The following PRTFDC1 variants were observed in gnomAD, a reference collection of about 807,000 sequenced individuals.
The protein encoded by PRTFDC1 is phosphoribosyltransferase domain-containing protein 1.
In PRTFDC1, 38 loss-of-function variants were observed where a neutral mutation model predicts 34.6. That is an observed-to-expected ratio of 1.10 (90% CI 0.85 to 1.44). PRTFDC1 has a LOEUF of 1.44. Among genes scored for constraint, PRTFDC1 ranks in the 40% most tolerant of loss-of-function variants. The probability of loss-of-function intolerance (pLI) is 0.00; values close to 1 mark genes in which losing one functional copy is unlikely to be tolerated. For missense variants in PRTFDC1, 270 were observed against 283.0 expected (o/e 0.95, Z 0.33); for synonymous variants, 93 against 98.1 (o/e 0.95, Z 0.31).
At chr10:24,860,160 A>G (rs1300650639) in intron 4 of PRTFDC1, among the ~76,000 whole-genome samples, 1 of 152,150 alleles carries the variant, frequency 6.6e-6, no homozygotes, top group African/African-American at 2.4e-5. Flanking sequence ...TGGGTGGATC[A>G]CCTGAGGTCA....
chr10:24,890,537 A>G (rs915796967), intron 3 of PRTFDC1, among the ~76,000 whole-genome samples: 2 of 152,172 alleles, frequency 1.3e-5, no homozygotes, highest in African/African-American at 4.8e-5. Flanking sequence ...GTCCCCATCA[A>G]ATATTTCTGG....
intron 4 of PRTFDC1, among the ~76,000 whole-genome samples, chr10:24,870,643 T>C (rs1019596787): frequency 6.6e-6 from 1 of 152,224 alleles, no homozygotes; most frequent in African/African-American, 2.4e-5. Flanking sequence ...GATGTTGTTT[T>C]ATGCACCAAT....
chr10:24,895,056 C>T (rs190140414), intron 3 of PRTFDC1, among the ~76,000 whole-genome samples: 1 of 152,206 alleles, frequency 6.6e-6, no homozygotes, highest in African/African-American at 2.4e-5. Context: ...CTACGTCGTA[C>T]CAGTCAATGT....
Position 24,952,438 on chromosome 10 carries a change from C to G in PRTFDC1, c.48+90G>C, listed in dbSNP as rs561548044. The G allele has an allele frequency of 1.3e-4, 190 of 1,439,748 alleles. No homozygotes were observed. Among genetic ancestry groups the G allele is most frequent in the Non-Finnish European group, 1.6e-4 (170 of 1,048,972 alleles). The allele number at this position is 1,439,748 out of a possible 1,614,324, so 89.2% of individuals were successfully genotyped here. A position where few individuals can be genotyped will look rare whatever the true frequency, so the allele number is the denominator to read the frequency against. On this transcript the variant is annotated intron_variant, in intron 1 of 8. Coordinates refer to ENST00000320152, the MANE Select transcript of PRTFDC1 (RefSeq NM_020200.7). This position sits in a 1 kb window ranked among gnomAD's most constrained non-coding sequence, Gnocchi z 5.1. ...AACAAAGCGGTGGCCCTCTCTCTCCCCCGACGCACGGCAAGCATTTAATCT... is the reference window on the plus strand; with the variant it reads ...AACAAAGCGGTGGCCCTCTCTCTCCGCCGACGCACGGCAAGCATTTAATCT...
chr10:24,885,404 C>T (rs1352445999), intron 3 of PRTFDC1, among the ~76,000 whole-genome samples: 1 of 152,182 alleles, frequency 6.6e-6, no homozygotes, highest in Non-Finnish European at 1.5e-5. Context: ...CTAGATGTTT[C>T]TAGCAGCTTG....
At chr10:24,943,393 G>A (rs1385684891) in intron 1 of PRTFDC1, among the ~76,000 whole-genome samples, 1 of 152,114 alleles carries the variant, frequency 6.6e-6, no homozygotes, top group Admixed American at 6.5e-5. Context: ...AGGACTTGAT[G>A]TGCTAGTTTT....
chr10:24,920,611 A>C (rs1222607049), intron 3 of PRTFDC1, among the ~76,000 whole-genome samples: 1 of 152,162 alleles, frequency 6.6e-6, no homozygotes, highest in African/African-American at 2.4e-5. Flanking sequence ...GGGTTGATAG[A>C]TGCAGCAAAT....
intron 3 of PRTFDC1, among the ~76,000 whole-genome samples, chr10:24,924,950 C>A (rs143393083): frequency 6.6e-6 from 1 of 152,028 alleles, no homozygotes; most frequent in African/African-American, 2.4e-5. Flanking sequence ...TACCTTTGAC[C>A]CAGGGATCCC....
chr10:24,938,196 T>A (rs904879861), intron 2 of PRTFDC1, among the ~76,000 whole-genome samples: 21 of 150,438 alleles, frequency 1.4e-4, no homozygotes, highest in African/African-American at 5.1e-4. Context: ...ACTGTACTAC[T>A]CCAGCCTGCG....
intron 8 of PRTFDC1, among the ~76,000 whole-genome samples, chr10:24,850,546 C>T (rs1020625942): frequency 5.9e-5 from 9 of 152,182 alleles, no homozygotes; most frequent in East Asian, 1.9e-4. Context: ...GCGGGAGGAT[C>T]GCTTGAGCCT....
At chr10:24,897,125 G>A (rs1196691624) in intron 3 of PRTFDC1, among the ~76,000 whole-genome samples, 1 of 152,126 alleles carries the variant, frequency 6.6e-6, no homozygotes, top group Non-Finnish European at 1.5e-5. Flanking sequence ...TGGGAGGATC[G>A]CTTGAGCCCA....
chr10:24,852,082 C>A (rs1009958655), intron 7 of PRTFDC1, among the ~76,000 whole-genome samples: 2 of 152,148 alleles, frequency 1.3e-5, no homozygotes, highest in East Asian at 1.9e-4. Context: ...GAGCTCCCTA[C>A]TGAGGGCAGA....
intron 3 of PRTFDC1, among the ~76,000 whole-genome samples, chr10:24,929,776 C>T (rs772130776): frequency 6.6e-6 from 1 of 152,142 alleles, no homozygotes; most frequent in Non-Finnish European, 1.5e-5. Flanking sequence ...CATCCACATA[C>T]AAAAAAGCTG....
At chr10:24,861,815 T>C (rs1316037669) in intron 4 of PRTFDC1, among the ~76,000 whole-genome samples, 1 of 152,140 alleles carries the variant, frequency 6.6e-6, no homozygotes, top group Non-Finnish European at 1.5e-5. Context: ...ATTTTATTTT[T>C]ATTTTTTAGA....
chr10:24,878,128 C>G (rs1481857322), intron 3 of PRTFDC1, among the ~76,000 whole-genome samples: 1 of 151,972 alleles, frequency 6.6e-6, no homozygotes, highest in Non-Finnish European at 1.5e-5. Flanking sequence ...CAAAAAGTAG[C>G]CTGGCGTGGT....
chr10:24,889,041 C>A (rs881487), intron 3 of PRTFDC1, among the ~76,000 whole-genome samples: 84,895 of 151,924 alleles, frequency 0.56, 24,775 homozygotes, highest in East Asian at 0.77. Flanking sequence ...GACCCTGCCC[C>A]AAATTCAGAT....
intron 7 of PRTFDC1, among the ~76,000 whole-genome samples, chr10:24,852,300 G>T (rs1274626547): frequency 1.3e-5 from 2 of 152,002 alleles, no homozygotes; most frequent in African/African-American, 2.4e-5. Context: ...AGACAGACGT[G>T]TGCCACCATG....
At position 24,937,383 on chromosome 10, in the gene PRTFDC1, AAGAT is replaced by A; in HGVS notation, c.156-20_156-17del. 6.3e-7 allele frequency: 1 copy of A among 1,597,722 alleles called. No individual in the cohort carries two copies. Among genetic ancestry groups the A allele is most frequent in the Non-Finnish European group, 8.5e-7 (1 of 1,171,522 alleles). ...CCGCTCAATTCTGAAAGAAGGATAA[AAGAT>A]ATATTAAGGCACAACTACTTCTGAG... On this transcript the variant is annotated splice_polypyrimidine_tract_variant and intron_variant, in intron 2 of 8. Coordinates refer to ENST00000320152, the MANE Select transcript of PRTFDC1 (RefSeq NM_020200.7).
At chr10:24,937,115 A>G (rs1849062999) in intron 3 of PRTFDC1, 69 bp downstream of exon 3, 2 of 1,365,054 alleles carry the variant, frequency 1.5e-6, no homozygotes, top group South Asian at 1.5e-5. Context: ...TTTTCATAAC[A>G]TTATTGATTC....
Sources: allele counts gnomAD v4.1 joint callset (sites outside exome capture counted in the v4.1 genomes callset), GRCh38; gene constraint gnomAD v4.1.1; non-coding constraint Gnocchi (gnomAD v3.1); transcripts MANE v1.5; gene names NCBI Gene and HGNC (gene_info 2026-07-23, HGNC 2026-07-21).